The following MAST4 variants were observed in gnomAD, a reference collection of about 807,000 sequenced individuals.
The protein encoded by MAST4 is microtubule-associated serine/threonine-protein kinase 4.
In MAST4, 89 loss-of-function variants were observed where a neutral mutation model predicts 162.7. That is an observed-to-expected ratio of 0.55 (90% CI 0.46 to 0.65). The LOEUF is 0.65. MAST4 is among the 30% of genes least tolerant of loss of function. MAST4 has a pLI of 0.00. For synonymous variants in MAST4, 1,479 were observed against 1,361.1 expected (o/e 1.09, Z -1.91); for missense variants, 3,153 against 3,374.0 (o/e 0.93, Z 1.62).
intron 1 of MAST4, among the ~76,000 whole-genome samples, chr5:66,739,988 A>G (rs544540911): frequency 6.6e-6 from 1 of 151,992 alleles, no homozygotes; most frequent in Admixed American, 6.6e-5. Context: ...TATACCGGGG[A>G]ATTAATCCAT....
At chr5:66,726,270 T>C (rs868743510) in intron 1 of MAST4, among the ~76,000 whole-genome samples, 1 of 152,032 alleles carries the variant, frequency 6.6e-6, no homozygotes, top group Non-Finnish European at 1.5e-5. Context: ...TAATCTAATT[T>C]TCTTGGGGGC....
At chr5:66,903,376 G>A (rs1238968083) in intron 4 of MAST4, among the ~76,000 whole-genome samples, 1 of 147,862 alleles carries the variant, frequency 6.8e-6, no homozygotes, top group Non-Finnish European at 1.5e-5. Context: ...CTTTAACCAA[G>A]TATTTATGTA....
chr5:67,018,258 G>A (rs1431987821), intron 4 of MAST4, among the ~76,000 whole-genome samples: 1 of 152,172 alleles, frequency 6.6e-6, no homozygotes, highest in Non-Finnish European at 1.5e-5. Context: ...CGTTTGGACA[G>A]ACACAGTTGC....
intron 4 of MAST4, among the ~76,000 whole-genome samples, chr5:66,940,157 T>TA (rs1242231275): frequency 2.0e-5 from 3 of 152,156 alleles, no homozygotes; most frequent in Non-Finnish European, 2.9e-5. Context: ...ACTTTATTGC[T>TA]AAAAAACAAG....
intron 1 of MAST4, among the ~76,000 whole-genome samples, chr5:66,631,217 CTG>C (rs779205422): frequency 1.5e-4 from 23 of 152,266 alleles, no homozygotes; most frequent in Non-Finnish European, 2.9e-4. Context: ...CAAATAAAAT[CTG>C]TGAGTTGCCA....
chr5:66,881,271 T>G (rs1761675069), intron 3 of MAST4, among the ~76,000 whole-genome samples: 1 of 152,194 alleles, frequency 6.6e-6, no homozygotes, highest in South Asian at 2.1e-4. Context: ...TTTTCTGGGT[T>G]TTTAAGGAAA....
intron 1 of MAST4, among the ~76,000 whole-genome samples, chr5:66,654,669 C>T (rs1307546055): frequency 6.6e-6 from 1 of 151,676 alleles, no homozygotes; most frequent in Admixed American, 6.6e-5. Context: ...ATCAATAAAA[C>T]CATTTTAATA....
chr5:66,915,366 A>G (rs1040611878), intron 4 of MAST4, among the ~76,000 whole-genome samples: 27 of 151,754 alleles, frequency 1.8e-4, no homozygotes, highest in Non-Finnish European at 4.4e-5. Context: ...TCTCTTGTAT[A>G]GTGACTGTGG....
chr5:66,911,954 G>A (rs978558932), intron 4 of MAST4, among the ~76,000 whole-genome samples: 2 of 152,086 alleles, frequency 1.3e-5, no homozygotes, highest in Admixed American at 6.5e-5. Flanking sequence ...CTTTAGCGTC[G>A]AGTGCCTAAC....
At chr5:66,816,120 T>C (rs924089176) in intron 3 of MAST4, among the ~76,000 whole-genome samples, 11 of 152,202 alleles carry the variant, frequency 7.2e-5, no homozygotes, top group Admixed American at 7.2e-4. Flanking sequence ...ATTAAAAATA[T>C]TATCTTATGG....
intron 1 of MAST4, among the ~76,000 whole-genome samples, chr5:66,670,635 G>T (rs916239250): frequency 3.3e-5 from 5 of 152,034 alleles, no homozygotes; most frequent in African/African-American, 1.2e-4. Context: ...TGAGGATGCC[G>T]GGCAGTGTAT....
At chr5:66,751,902 G>A (rs1265895414) in intron 1 of MAST4, among the ~76,000 whole-genome samples, 9 of 150,056 alleles carry the variant, frequency 6.0e-5, no homozygotes, top group Middle Eastern at 3.4e-3. Context: ...GAGAAAGGTC[G>A]GGTTACCCTC....
intron 1 of MAST4, among the ~76,000 whole-genome samples, chr5:66,653,594 A>G (rs10040974): frequency 0.027 from 4,121 of 152,282 alleles, 205 homozygotes; most frequent in African/African-American, 0.092. Context: ...GTTCAGCAGC[A>G]TGAGTCTCAC....
At chr5:67,083,685 A>G (rs752608933) in intron 5 of MAST4, among the ~76,000 whole-genome samples, 1 of 152,196 alleles carries the variant, frequency 6.6e-6, no homozygotes, top group African/African-American at 2.4e-5. Flanking sequence ...GATTCAGTCT[A>G]TAATTAATTA....
intron 9 of MAST4, among the ~76,000 whole-genome samples, chr5:67,104,020 C>CT (rs1308703391): frequency 1.3e-5 from 2 of 152,166 alleles, no homozygotes; most frequent in African/African-American, 4.8e-5. Context: ...GAGGCTGCTG[C>CT]TTTTTTATAG....
chr5:67,158,829 G>T (rs1431410981), intron 26 of MAST4, among the ~76,000 whole-genome samples: 1 of 152,176 alleles, frequency 6.6e-6, no homozygotes, highest in Admixed American at 6.5e-5. Flanking sequence ...GAGGTCAGGA[G>T]TTCAAGACCA....
At chr5:66,919,123 C>CAT (rs1764310274) in intron 4 of MAST4, among the ~76,000 whole-genome samples, 2 of 147,934 alleles carry the variant, frequency 1.4e-5, no homozygotes, top group Admixed American at 1.4e-4. Flanking sequence ...CACACACACA[C>CAT]ACACACACAC....
intron 3 of MAST4, among the ~76,000 whole-genome samples, chr5:66,798,761 A>G (rs1231783157): frequency 6.6e-5 from 10 of 152,186 alleles, no homozygotes; most frequent in African/African-American, 2.4e-4. Flanking sequence ...AGTATGAAAT[A>G]TCTCTTCATT....
At chr5:66,738,216 G>A (rs966383401) in intron 1 of MAST4, 1 of 152,274 alleles carries the variant, frequency 6.6e-6, no homozygotes, top group African/African-American at 2.4e-5. Context: ...GGCTGACAGA[G>A]CAGCCCCCAT....
Sources: gnomAD v4.1 joint callset for allele counts (sites outside exome capture counted in the v4.1 genomes callset) on GRCh38, gnomAD v4.1.1 for gene constraint, MANE v1.5 for transcripts, NCBI Gene and HGNC (gene_info 2026-07-23, HGNC 2026-07-21) for gene names.